The following LHFPL3 variants were observed in gnomAD, a reference collection of about 807,000 sequenced individuals.
The protein encoded by LHFPL3 is LHFPL tetraspan subfamily member 3 protein.
In LHFPL3, 5 loss-of-function variants were observed where a neutral mutation model predicts 19.3. The ratio of observed to expected loss-of-function variants is 0.26; its 90% CI spans 0.14 to 0.54. The LOEUF (loss-of-function observed/expected upper bound fraction) is 0.54, where lower values mean the gene tolerates loss of function less well. Ranked by LOEUF, LHFPL3 falls within the 20% of genes least tolerant of loss-of-function variation. The pLI is 0.94. For missense variants in LHFPL3, 249 were observed against 307.4 expected (o/e 0.81, Z 1.42); for synonymous variants, 133 against 126.2 (o/e 1.05, Z -0.36).
chr7:104,593,930 A>T (rs192200677), intron 1 of LHFPL3, among the ~76,000 whole-genome samples: 1 of 152,062 alleles, frequency 6.6e-6, no homozygotes, highest in African/African-American at 2.4e-5. Context: ...TTTTGAGCCT[A>T]TGTGCGTCTT....
intron 1 of LHFPL3, among the ~76,000 whole-genome samples, chr7:104,339,952 G>A (rs987266566): frequency 6.6e-6 from 1 of 152,136 alleles, no homozygotes; most frequent in Admixed American, 6.5e-5. Context: ...TTTGCTTATT[G>A]ATGGTGGTGG....
At chr7:104,445,131 T>C (rs564983112) in intron 1 of LHFPL3, among the ~76,000 whole-genome samples, 60 of 152,378 alleles carry the variant, frequency 3.9e-4, no homozygotes, top group African/African-American at 1.4e-3. Flanking sequence ...TTTTTAATGC[T>C]ATATTGGTCA....
At chr7:104,568,942 A>G (rs545211631) in intron 1 of LHFPL3, among the ~76,000 whole-genome samples, 2 of 152,330 alleles carry the variant, frequency 1.3e-5, no homozygotes, top group African/African-American at 4.8e-5. Context: ...ATTTAATTAT[A>G]TGAAAGAGAA....
chr7:104,602,000 A>G (rs965825487), intron 1 of LHFPL3, among the ~76,000 whole-genome samples: 1 of 119,544 alleles, frequency 8.4e-6, no homozygotes, highest in African/African-American at 3.1e-5. Context: ...TCCATTAGCA[A>G]TTTATTTTCT....
chr7:104,472,020 G>A lies in LHFPL3; in HGVS notation c.445+142796G>A, dbSNP rs997996566. Among the ~76,000 whole-genome samples the A allele has an allele frequency of 2.6e-5, 4 of 151,944 alleles. No homozygotes were observed. In the East Asian group the frequency reaches 7.7e-4, roughly 29 times the overall value. Reference sequence around the variant, plus strand: ...TAATGAGAACCTGTGTCTAGAAAAAGTTCAAAAATTAGCCGAGGGTGGGGC... The same window carrying A: ...TAATGAGAACCTGTGTCTAGAAAAAATTCAAAAATTAGCCGAGGGTGGGGC... On this transcript the variant is annotated intron_variant, in intron 1 of 2. Transcript: ENST00000424859.
chr7:104,814,585 C>T (rs1329531246), intron 2 of LHFPL3, among the ~76,000 whole-genome samples: 1 of 152,172 alleles, frequency 6.6e-6, no homozygotes, highest in Admixed American at 6.5e-5. Context: ...TGGGGCCTCA[C>T]TGGGGACCTG....
At chr7:104,681,170 T>C (rs542330423) in intron 1 of LHFPL3, among the ~76,000 whole-genome samples, 2,528 of 150,150 alleles carry the variant, frequency 0.017, 72 homozygotes, top group African/African-American at 0.059. Flanking sequence ...TTTTTTTTTT[T>C]TGTTAGGGAA....
intron 2 of LHFPL3, among the ~76,000 whole-genome samples, chr7:104,889,982 C>T (rs1355651040): frequency 6.6e-6 from 1 of 152,098 alleles, no homozygotes. Context: ...TCCTTCTCTC[C>T]TCTTCTCATT....
intron 1 of LHFPL3, among the ~76,000 whole-genome samples, chr7:104,330,980 C>T (rs1176581923): frequency 6.6e-6 from 1 of 152,088 alleles, no homozygotes; most frequent in African/African-American, 2.4e-5. Flanking sequence ...CAAATTACAT[C>T]GTTTTTAAAA....
chr7:104,593,774 A>T (rs1216976141), intron 1 of LHFPL3, among the ~76,000 whole-genome samples: 1 of 152,140 alleles, frequency 6.6e-6, no homozygotes, highest in Non-Finnish European at 1.5e-5. Flanking sequence ...TGTTGAATTG[A>T]TCCCTTTACT....
chr7:104,829,556 C>T lies in LHFPL3; in HGVS notation c.683-76631C>T, dbSNP rs1261608930. On this transcript the variant is annotated intron_variant, in intron 2 of 2. Coordinates refer to ENST00000424859, the MANE Select transcript of LHFPL3 (RefSeq NM_199000.3). Reference sequence around the variant, plus strand: ...CCAGGTGTTCTCATTGTTCAGTTCCCACCTATGAGTGAGAACATGTGGTGT... The same window carrying T: ...CCAGGTGTTCTCATTGTTCAGTTCCTACCTATGAGTGAGAACATGTGGTGT... Among the ~76,000 whole-genome samples, 2 of 151,636 alleles carry T rather than the reference C, an allele frequency of 1.3e-5. 1 individual carries two copies. Among genetic ancestry groups the T allele is most frequent in the African/African-American group, 4.9e-5 (2 of 41,004 alleles).
chr7:104,628,747 G>T (rs1791589521), intron 1 of LHFPL3, among the ~76,000 whole-genome samples: 1 of 152,086 alleles, frequency 6.6e-6, no homozygotes, highest in Non-Finnish European at 1.5e-5. Flanking sequence ...CATTTTCATA[G>T]AACTTTTCTA....
intron 1 of LHFPL3, among the ~76,000 whole-genome samples, chr7:104,396,886 C>G (rs1409816818): frequency 6.6e-6 from 1 of 152,020 alleles, no homozygotes; most frequent in African/African-American, 2.4e-5. Context: ...TGGTGGATCA[C>G]TTGAGTCTAG....
intron 1 of LHFPL3, among the ~76,000 whole-genome samples, chr7:104,590,510 A>G (rs1167721261): frequency 1.1e-4 from 17 of 152,148 alleles, no homozygotes; most frequent in Admixed American, 9.2e-4. Flanking sequence ...TTTTACATTT[A>G]CTGAGGAGTG....
intron 1 of LHFPL3, among the ~76,000 whole-genome samples, chr7:104,564,795 C>G (rs1405086739): frequency 6.6e-6 from 1 of 152,178 alleles, no homozygotes; most frequent in African/African-American, 2.4e-5. Context: ...GACAGCGCCA[C>G]TCCAGAACAC....
At chr7:104,472,637 A>G (rs1792934033) in intron 1 of LHFPL3, among the ~76,000 whole-genome samples, 1 of 152,170 alleles carries the variant, frequency 6.6e-6, no homozygotes, top group Non-Finnish European at 1.5e-5. Flanking sequence ...TTATCCTATT[A>G]TACCCATTAT....
chr7:104,736,980 C>A, intron 2 of LHFPL3, 69 bp downstream of exon 2: 1 of 1,228,728 alleles, frequency 8.1e-7, no homozygotes, highest in Non-Finnish European at 1.2e-6. Flanking sequence ...TCCATTCTTT[C>A]CCCTCAAATA....
At position 104,735,225 on chromosome 7, in the gene LHFPL3, C is replaced by G. The variant is rs576675636; in HGVS notation, c.446-1450C>G. Among the ~76,000 whole-genome samples the G allele has an allele frequency of 3.3e-5, 5 of 152,338 alleles. No homozygotes were observed. The East Asian group carries it at 9.7e-4, about 29-fold the overall frequency. On this transcript the variant is annotated intron_variant, in intron 1 of 2. Coordinates refer to ENST00000424859, the MANE Select transcript of LHFPL3 (RefSeq NM_199000.3). ...GATCTCAAACTCCGTGCTGGGAGAA[C>G]CACTACTCTCTTCAAAGCTGTCAGA...
chr7:104,497,494 G>A (rs1793507276), intron 1 of LHFPL3, among the ~76,000 whole-genome samples: 1 of 152,002 alleles, frequency 6.6e-6, no homozygotes, highest in Non-Finnish European at 1.5e-5. Context: ...AGAAGTCTTT[G>A]TCTTCATCTG....
Sources: gnomAD v4.1 joint callset for allele counts (sites outside exome capture counted in the v4.1 genomes callset) on GRCh38, gnomAD v4.1.1 for gene constraint, MANE v1.5 for transcripts, NCBI Gene and HGNC (gene_info 2026-07-23, HGNC 2026-07-21) for gene names.